DIP2C: variants seen among roughly 807,000 people sequenced by gnomAD.
DIP2C encodes DIP2 acetate--CoA ligase C (putative).
A neutral mutation model predicts 192.4 loss-of-function variants in DIP2C; 33 were observed. The ratio of observed to expected loss-of-function variants is 0.17; its 90% CI spans 0.13 to 0.23. The LOEUF (loss-of-function observed/expected upper bound fraction) is 0.23. DIP2C is among the 10% of genes least tolerant of loss of function. The probability of loss-of-function intolerance (pLI) is 1.00; values close to 1 mark genes in which losing one functional copy is unlikely to be tolerated. For missense variants in DIP2C, 1,537 were observed against 2,110.1 expected (o/e 0.73, Z 5.32); for synonymous variants, 979 against 864.1 (o/e 1.13, Z -2.33).
At position 390,601 on chromosome 10, in the gene DIP2C, G is replaced by A. The variant is rs1297225355; in HGVS notation, c.1384+139C>T. ...AACTCGGCTGTGTCATCAGGGACGA[G>A]AACGCGTGAAAACTCGTGGGTCTGT... On this transcript the variant is annotated intron_variant, in intron 11 of 36. Coordinates refer to ENST00000280886, the MANE Select transcript of DIP2C (RefSeq NM_014974.3). 24 of 1,414,124 alleles carry A rather than the reference G, an allele frequency of 1.7e-5. No homozygotes were observed. The East Asian group carries it at 5.5e-4, about 32-fold the overall frequency. 87.6% of individuals were successfully genotyped at this position (1,414,124 alleles called of 1,614,324 possible). A position where few individuals can be genotyped will look rare whatever the true frequency, so the allele number is the denominator to read the frequency against.
rs575537947 is a variant in DIP2C at position 399,098 on chromosome 10, G to A, written c.1260+11C>T. On this transcript the variant is annotated intron_variant, in intron 10 of 36. Transcript: ENST00000280886. The stretch of plus-strand genomic sequence containing the variant: ...CTCAGCGAGAAACCGAGCAAAGGGC[G>A]CATTCCTTACCTTCCTGGTGAGCGG... 2.6e-5 allele frequency: 41 copies of A among 1,605,088 alleles called. No individual in the cohort carries two copies. The highest frequency in any genetic ancestry group is 3.3e-4 in the Middle Eastern group (2 of 6,050).
At chr10:384,759 A>C (rs1015999586) in intron 14 of DIP2C, 120 bp from the exon 15 acceptor site, 2 of 950,478 alleles carry the variant, frequency 2.1e-6, no homozygotes, top group African/African-American at 3.3e-5. Flanking sequence ...GGAGCGCTGC[A>C]GACACCATGC....
Position 689,598 on chromosome 10 carries a change from C to G in DIP2C, c.-20G>C. On this transcript the variant is annotated 5_prime_UTR_variant, in exon 1 of 37. Coordinates refer to ENST00000280886, the MANE Select transcript of DIP2C (RefSeq NM_014974.3). The surrounding 1 kb of genome is among the most constrained non-coding windows in gnomAD (Gnocchi z 6.1). ...CGCCATGCTCCGCGGGCGCCGCGCC[C>G]CGCACGGCCTCCTCTTTGTTCGCAG... 8.8e-7 allele frequency: 1 copy of G among 1,134,984 alleles called. No homozygotes were observed. The allele number at this position is 1,134,984 out of a possible 1,614,324, so 70.3% of individuals were successfully genotyped here.
chr10:531,103 A>ATCTT (rs1263371681), intron 1 of DIP2C, among the ~76,000 whole-genome samples: 1 of 152,148 alleles, frequency 6.6e-6, no homozygotes, highest in Non-Finnish European at 1.5e-5. Context: ...CCAACAGCTC[A>ATCTT]TCTTTGGTCG....
intron 1 of DIP2C, among the ~76,000 whole-genome samples, chr10:498,071 G>T (rs1280510897): frequency 6.6e-6 from 1 of 152,154 alleles, no homozygotes; most frequent in African/African-American, 2.4e-5. Context: ...GGGTCTTGCT[G>T]TGTTGCCCAG....
intron 1 of DIP2C, among the ~76,000 whole-genome samples, chr10:598,579 C>T (rs1396996622): frequency 2.7e-5 from 4 of 150,716 alleles, no homozygotes; most frequent in South Asian, 2.1e-4. Context: ...GCTCCTCACG[C>T]CACCCCTCCC....
chr10:349,023 CTG>C (rs1225903503), intron 25 of DIP2C, among the ~76,000 whole-genome samples: 3 of 152,258 alleles, frequency 2.0e-5, no homozygotes, highest in Admixed American at 1.3e-4. Context: ...ACCTTTGTAA[CTG>C]TGAATTTAGT....
rs192495289 is a variant in DIP2C at position 288,183 on chromosome 10, G to C, written c.4044+181C>G. ...TGCCTATTTCCTAACTTTTACCTGAGGAAAAAAGTCTAACTTGTTTAAAAC... is the reference window on the plus strand; with the variant it reads ...TGCCTATTTCCTAACTTTTACCTGACGAAAAAAGTCTAACTTGTTTAAAAC... On this transcript the variant is annotated intron_variant, in intron 33 of 36. Coordinates refer to ENST00000280886, the MANE Select transcript of DIP2C (RefSeq NM_014974.3). 8.6e-5 allele frequency among the ~76,000 whole-genome samples: 13 copies of C among 152,010 alleles called. No homozygotes were observed. The East Asian group carries it at 2.1e-3, about 25-fold the overall frequency.
chr10:290,042 G>C (rs1177160378), intron 32 of DIP2C, among the ~76,000 whole-genome samples: 3 of 152,236 alleles, frequency 2.0e-5, no homozygotes, highest in African/African-American at 7.2e-5. Flanking sequence ...CTCTGTGGCG[G>C]AAACAGGGAA....
At chr10:634,835 G>C (rs1460265580) in intron 1 of DIP2C, among the ~76,000 whole-genome samples, 2 of 152,022 alleles carry the variant, frequency 1.3e-5, no homozygotes, top group Admixed American at 1.3e-4. Context: ...TCTTCCGGAG[G>C]GTAGCGTAAA....
rs75500991 is a variant in DIP2C at position 342,619 on chromosome 10, C to A, written c.3454-1290G>T. 8.5e-3 allele frequency among the ~76,000 whole-genome samples: 1,294 copies of A among 152,298 alleles called. 19 individuals are homozygous for A. The highest frequency in any genetic ancestry group is 0.03 in the African/African-American group (1,238 of 41,540). The stretch of plus-strand genomic sequence containing the variant: ...CAGCAAGACCTGCTGGGTGGCTCAG[C>A]TGTCTTAATGATCAGAAAGTGAAGG... On this transcript the variant is annotated intron_variant, in intron 28 of 36. Transcript: ENST00000280886.
At chr10:349,287 A>G (rs1311561968) in intron 25 of DIP2C, 44 bp downstream of exon 25, 1 of 1,583,408 alleles carries the variant, frequency 6.3e-7, no homozygotes. Context: ...ACCGCGGCTG[A>G]CCGGCTTGCC....
intron 1 of DIP2C, among the ~76,000 whole-genome samples, chr10:497,236 C>T (rs1202920743): frequency 6.6e-6 from 1 of 152,156 alleles, no homozygotes. Flanking sequence ...AAAAGTCTAC[C>T]CATGTTCAGA....
intron 1 of DIP2C, among the ~76,000 whole-genome samples, chr10:635,191 T>A (rs1854761713): frequency 6.6e-6 from 1 of 152,208 alleles, no homozygotes; most frequent in Non-Finnish European, 1.5e-5. Context: ...GTGATTCTTC[T>A]GATTTAATGT....
intron 1 of DIP2C, among the ~76,000 whole-genome samples, chr10:494,144 CCTT>C (rs1019057972): frequency 6.6e-6 from 1 of 152,226 alleles, no homozygotes; most frequent in African/African-American, 2.4e-5. Flanking sequence ...TATGTGACCC[CCTT>C]CTTCATCAGA....
intron 17 of DIP2C, among the ~76,000 whole-genome samples, chr10:372,308 C>T (rs999033234): frequency 1.3e-5 from 2 of 152,156 alleles, no homozygotes; most frequent in Non-Finnish European, 2.9e-5. Context: ...CTCCTGACCT[C>T]GAGTGATCTG....
At chr10:521,041 A>T (rs12358336) in intron 1 of DIP2C, among the ~76,000 whole-genome samples, 37,846 of 152,188 alleles carry the variant, frequency 0.25, 5,881 homozygotes, top group Non-Finnish European at 0.35. Flanking sequence ...AAAAATCAAG[A>T]GAAGTATTTA....
chr10:468,787 A>G (rs1346570197), intron 3 of DIP2C, among the ~76,000 whole-genome samples: 1 of 152,206 alleles, frequency 6.6e-6, no homozygotes, highest in Non-Finnish European at 1.5e-5. Flanking sequence ...AAAACAAACA[A>G]AAAAAGATGA....
At chr10:579,609 G>C (rs1459096774) in intron 1 of DIP2C, among the ~76,000 whole-genome samples, 2 of 151,870 alleles carry the variant, frequency 1.3e-5, no homozygotes, top group Admixed American at 6.6e-5. Flanking sequence ...TCCAAATAGT[G>C]TACAAACATG....
Sources: allele counts gnomAD v4.1 joint callset (sites outside exome capture counted in the v4.1 genomes callset), GRCh38; gene constraint gnomAD v4.1.1; non-coding constraint Gnocchi (gnomAD v3.1); transcripts MANE v1.5; gene names NCBI Gene and HGNC (gene_info 2026-07-23, HGNC 2026-07-21).